The following THSD7B variants were observed in gnomAD, a reference collection of about 807,000 sequenced individuals.
THSD7B encodes the protein thrombospondin type 1 domain containing 7B.
A neutral mutation model predicts 213.6 loss-of-function variants in THSD7B; 138 were observed. That is an observed-to-expected ratio of 0.65 (90% CI 0.56 to 0.74). The LOEUF (loss-of-function observed/expected upper bound fraction) is 0.74, where lower values mean the gene tolerates loss of function less well. Ranked by LOEUF, THSD7B falls within the 30% of genes least tolerant of loss-of-function variation. THSD7B has a pLI of 0.00. For synonymous variants in THSD7B, 742 were observed against 687.0 expected (o/e 1.08, Z -1.25); for missense variants, 1,931 against 1,991.5 (o/e 0.97, Z 0.58).
chr2:137,080,574 A>G (rs1344763901), intron 3 of THSD7B, among the ~76,000 whole-genome samples: 1 of 151,684 alleles, frequency 6.6e-6, no homozygotes, highest in African/African-American at 2.4e-5. Context: ...TTTGTATTTA[A>G]CTTTGTGTAG....
chr2:137,057,188 A>G lies in THSD7B; in HGVS notation c.908A>G (p.Gln303Arg). Residue 303 changes from glutamine to arginine, a missense_variant, in exon 3 of 28, where the codon CAG becomes CGG. Transcript: ENST00000409968. The stretch of plus-strand genomic sequence containing the variant: ...ATAGAGATAGGTTATCAAACCCGGC[A>G]GGTTTCGTGTACAAGAAGTGATGGA... ...WAIEIGYQTR[Q>R]VSCTRSDGQN... 1 of 1,613,892 alleles carries G rather than the reference A, an allele frequency of 6.2e-7. No homozygotes were observed. Among genetic ancestry groups the G allele is most frequent in the Non-Finnish European group, 8.5e-7 (1 of 1,179,816 alleles).
intron 15 of THSD7B, among the ~76,000 whole-genome samples, chr2:137,481,987 C>G (rs6752201): frequency 0.23 from 34,868 of 151,982 alleles, 4,216 homozygotes; most frequent in South Asian, 0.39. Flanking sequence ...ACCATCCCGG[C>G]TAATACGGTG....
chr2:137,454,205 A>G (rs1687713163), intron 15 of THSD7B, among the ~76,000 whole-genome samples: 1 of 152,186 alleles, frequency 6.6e-6, no homozygotes, highest in Non-Finnish European at 1.5e-5. Flanking sequence ...TAATGGCTTT[A>G]CTAGTTTACA....
chr2:136,803,392 G>A (rs114396496), intron 1 of THSD7B, among the ~76,000 whole-genome samples: 2,443 of 152,146 alleles, frequency 0.016, 61 homozygotes, highest in African/African-American at 0.056. Context: ...TTATTATCAG[G>A]AAAGAGGGAA....
At chr2:137,075,982 G>A (rs2104898276) in intron 3 of THSD7B, among the ~76,000 whole-genome samples, 1 of 152,284 alleles carries the variant, frequency 6.6e-6, no homozygotes, top group South Asian at 2.1e-4. Flanking sequence ...CGTGTAAGGT[G>A]TCTGTCTGCC....
intron 5 of THSD7B, 139 bp downstream of exon 5, chr2:137,115,432 C>T (rs190561533): frequency 9.6e-5 from 90 of 933,590 alleles, no homozygotes; most frequent in South Asian, 8.6e-4. Flanking sequence ...ATTTGTATGC[C>T]GCCCCTAAGT....
intron 7 of THSD7B, among the ~76,000 whole-genome samples, chr2:137,204,836 T>C (rs1680950129): frequency 6.6e-6 from 1 of 152,138 alleles, no homozygotes; most frequent in Non-Finnish European, 1.5e-5. Context: ...GAACTCAGAT[T>C]TATTGAAAGG....
At chr2:137,428,866 A>C (rs1324802666) in intron 14 of THSD7B, among the ~76,000 whole-genome samples, 2 of 152,310 alleles carry the variant, frequency 1.3e-5, no homozygotes, top group East Asian at 3.9e-4. Flanking sequence ...CACCTTCATG[A>C]GGTGAATTAC....
intron 17 of THSD7B, among the ~76,000 whole-genome samples, chr2:137,588,690 A>G (rs1287326960): frequency 6.6e-6 from 1 of 152,094 alleles, no homozygotes; most frequent in East Asian, 1.9e-4. Context: ...TTTTTATCAC[A>G]TAATAATGTG....
intron 2 of THSD7B, among the ~76,000 whole-genome samples, chr2:136,977,520 C>G (rs1176059170): frequency 6.6e-6 from 1 of 151,936 alleles, no homozygotes; most frequent in African/African-American, 2.4e-5. Flanking sequence ...TTTGTTTGCC[C>G]TTGGTTCTCT....
intron 7 of THSD7B, among the ~76,000 whole-genome samples, chr2:137,209,306 A>T (rs1681050240): frequency 6.6e-6 from 1 of 152,088 alleles, no homozygotes. Context: ...GAAGATGGGC[A>T]TCATGCTTTA....
chr2:137,398,567 A>T (rs12622195), intron 12 of THSD7B, among the ~76,000 whole-genome samples: 18 of 147,988 alleles, frequency 1.2e-4, no homozygotes, highest in East Asian at 6.1e-4. Flanking sequence ...CTCTCTTCAA[A>T]GCTGTCAGAC....
chr2:136,892,048 T>G (rs968343040), intron 2 of THSD7B, among the ~76,000 whole-genome samples: 1 of 152,256 alleles, frequency 6.6e-6, no homozygotes, highest in Admixed American at 6.5e-5. Flanking sequence ...CCTTTCTCTC[T>G]GTGTGGTCTC....
At chr2:137,668,657 C>A (rs953338976) in intron 27 of THSD7B, among the ~76,000 whole-genome samples, 1 of 152,060 alleles carries the variant, frequency 6.6e-6, no homozygotes, top group East Asian at 1.9e-4. Context: ...ATTTATGACT[C>A]CCCCAAAACC....
At chr2:136,951,068 A>T (rs1685030420) in intron 2 of THSD7B, among the ~76,000 whole-genome samples, 1 of 152,134 alleles carries the variant, frequency 6.6e-6, no homozygotes, top group South Asian at 2.1e-4. Flanking sequence ...TCTCTGTGGT[A>T]GCATCCCCAG....
At chr2:137,412,040 G>T in intron 14 of THSD7B, 168 bp downstream of exon 14, 1 of 764,154 alleles carries the variant, frequency 1.3e-6, no homozygotes, top group Non-Finnish European at 2.0e-6. Context: ...GCATACATCT[G>T]TATCTCAATG....
chr2:137,590,824 G>GT (rs1048651775), intron 17 of THSD7B, among the ~76,000 whole-genome samples: 2 of 94,754 alleles, frequency 2.1e-5, no homozygotes, highest in Non-Finnish European at 2.2e-5. Flanking sequence ...AGCTAAGGAG[G>GT]TACATAATAC....
intron 1 of THSD7B, among the ~76,000 whole-genome samples, chr2:136,788,229 G>C (rs1393832386): frequency 6.6e-6 from 1 of 152,186 alleles, no homozygotes; most frequent in Non-Finnish European, 1.5e-5. Flanking sequence ...GAGACCTTAA[G>C]CTACTAGAGT....
intron 17 of THSD7B, among the ~76,000 whole-genome samples, chr2:137,581,656 A>G (rs1007866104): frequency 2.0e-5 from 3 of 151,228 alleles, no homozygotes; most frequent in Non-Finnish European, 3.0e-5. Context: ...ACTACTTGGG[A>G]GGCTGAGGCA....
Sources: allele counts gnomAD v4.1 joint callset (sites outside exome capture counted in the v4.1 genomes callset), GRCh38; gene constraint gnomAD v4.1.1; transcripts MANE v1.5; gene names NCBI Gene and HGNC (gene_info 2026-07-23, HGNC 2026-07-21).